TSEN15: variants seen among roughly 807,000 people sequenced by gnomAD.
The protein encoded by TSEN15 is tRNA splicing endonuclease subunit 15.
TSEN15 carries 10 observed loss-of-function variants against 20.5 expected under a neutral mutation model. The ratio of observed to expected loss-of-function variants is 0.49; its 90% CI spans 0.30 to 0.83. The LOEUF (loss-of-function observed/expected upper bound fraction) is 0.83, where lower values mean the gene tolerates loss of function less well. TSEN15 is among the 40% of genes least tolerant of loss of function. The pLI is 0.06. For synonymous variants in TSEN15, 72 were observed against 80.1 expected, an observed-to-expected ratio of 0.90 and a Z score of 0.54; for missense variants, 180 against 218.6, an observed-to-expected ratio of 0.82 and a Z score of 1.11.
chr1:184,087,017 G>A (rs1376023805), intron 3 of TSEN15, among the ~76,000 whole-genome samples: 1 of 152,106 alleles, frequency 6.6e-6, no homozygotes, highest in Non-Finnish European at 1.5e-5. Context: ...ACTTAAAAGG[G>A]ACTGTATAAA....
intron 3 of TSEN15, among the ~76,000 whole-genome samples, chr1:184,060,891 A>G (rs1183283448): frequency 6.6e-6 from 1 of 152,238 alleles, no homozygotes; most frequent in East Asian, 1.9e-4. Flanking sequence ...GTATAAATTA[A>G]TGAGTTATAA....
In TSEN15 at chr1:184,051,863, G is replaced by A. The variant is rs1223043410; in HGVS notation, c.108G>A (p.Glu36=). The A allele has an allele frequency of 1.9e-6, 3 of 1,553,656 alleles. No homozygotes were observed. In the Admixed American group the frequency reaches 5.7e-5, roughly 29 times the overall value. ...GTGGAGCTCCTTCGTGGGCCCCTGA[G>A]GACGCCTGGATGGGCACTCACCCTA... ...DGGGAPSWAP[E]DAWMGTHPKY... The change falls in exon 1 of 5, where the codon GAG becomes GAA. Residue 36 remains glutamate (E), a synonymous_variant. Transcript: ENST00000645668.
intron 1 of TSEN15, among the ~76,000 whole-genome samples, chr1:184,052,967 A>G (rs1448041668): frequency 3.9e-5 from 6 of 152,128 alleles, no homozygotes; most frequent in Non-Finnish European, 8.8e-5. Context: ...AATAGTCCAT[A>G]CTTACTTATA....
intron 3 of TSEN15, among the ~76,000 whole-genome samples, chr1:184,085,343 C>A (rs925548942): frequency 2.0e-5 from 3 of 152,142 alleles, no homozygotes; most frequent in Non-Finnish European, 4.4e-5. Flanking sequence ...TATAAGCATG[C>A]CTATATTACA....
intron 3 of TSEN15, chr1:184,071,949 C>T: frequency 2.2e-6 from 1 of 459,384 alleles, no homozygotes; most frequent in Non-Finnish European, 3.7e-6. Context: ...TCTTTCCTTT[C>T]CTTCTGTGAT....
At chr1:184,067,483 G>T (rs2102889887) in intron 3 of TSEN15, among the ~76,000 whole-genome samples, 1 of 152,278 alleles carries the variant, frequency 6.6e-6, no homozygotes, top group East Asian at 1.9e-4. Context: ...GGTACATGGT[G>T]CTAAGTAAGT....
At chr1:184,067,973 T>C (rs1218727152) in intron 3 of TSEN15, among the ~76,000 whole-genome samples, 5 of 138,104 alleles carry the variant, frequency 3.6e-5, no homozygotes, top group South Asian at 2.4e-4. Flanking sequence ...TATATATATG[T>C]ACATATGTAT....
At chr1:184,066,030 T>A (rs1409637463) in intron 3 of TSEN15, among the ~76,000 whole-genome samples, 1 of 152,196 alleles carries the variant, frequency 6.6e-6, no homozygotes, top group Non-Finnish European at 1.5e-5. Context: ...TTTTCCTGGA[T>A]CATGCTTTTG....
chr1:184,054,597 C>A, intron 2 of TSEN15, 131 bp from the exon 3 acceptor site: 1 of 1,210,986 alleles, frequency 8.3e-7, no homozygotes, highest in Non-Finnish European at 1.2e-6. Flanking sequence ...GTAACAGAAG[C>A]TACTAGAAAA....
downstream of TSEN15, among the ~76,000 whole-genome samples, chr1:184,077,395 A>T (rs1651084043): frequency 1.3e-5 from 2 of 152,274 alleles, no homozygotes; most frequent in African/African-American, 2.4e-5. Context: ...ATTACTGTTC[A>T]TTGACAATGC....
chr1:184,094,779 G>A (rs1651418354), intron 3 of TSEN15: 1 of 365,576 alleles, frequency 2.7e-6, no homozygotes, highest in Admixed American at 4.6e-5. Context: ...TGAAATTTGT[G>A]CTATAAGCCA....
In TSEN15 at chr1:184,057,289, A is replaced by T. The variant is rs1050183036; in HGVS notation, c.353+2426A>T. On this transcript the variant is annotated intron_variant, in intron 3 of 4. Transcript: ENST00000645668. The stretch of plus-strand genomic sequence containing the variant: ...TGGAGGAGAGTAATATTGAGCATGT[A>T]AAGGGGTGCTGTAAACCTCTGAGAG... 5.9e-5 allele frequency among the ~76,000 whole-genome samples: 9 copies of T among 152,144 alleles called. No individual in the cohort carries two copies. In the East Asian group the frequency reaches 1.7e-3, roughly 29 times the overall value.
intron 3 of TSEN15, chr1:184,070,825 G>A: frequency 2.9e-6 from 1 of 350,816 alleles, no homozygotes; most frequent in African/African-American, 2.1e-5. Flanking sequence ...CTAGCTAGTT[G>A]TAATGCAGTT....
At chr1:184,072,536 G>A in intron 4 of TSEN15, 1 of 548,014 alleles carries the variant, frequency 1.8e-6, no homozygotes, top group Non-Finnish European at 3.1e-6. Context: ...AGAATTTCAT[G>A]GTTTTCCAAA....
At chr1:184,062,645 G>A (rs1415043093) in intron 3 of TSEN15, among the ~76,000 whole-genome samples, 1 of 152,046 alleles carries the variant, frequency 6.6e-6, no homozygotes, top group African/African-American at 2.4e-5. Context: ...AGTACTACAG[G>A]TAGTTGCAAA....
intron 3 of TSEN15, among the ~76,000 whole-genome samples, chr1:184,084,554 A>G (rs948327161): frequency 1.3e-5 from 2 of 151,672 alleles, no homozygotes; most frequent in Non-Finnish European, 2.9e-5. Flanking sequence ...GAGCATTTTA[A>G]TTTTCTGTTA....
At chr1:184,072,090 T>G (rs1458300161) in intron 3 of TSEN15, 67 bp from the exon 4 acceptor site, 2 of 1,499,708 alleles carry the variant, frequency 1.3e-6, no homozygotes, top group Non-Finnish European at 1.8e-6. Flanking sequence ...TTCTAGTGCT[T>G]TCTTCTGTCA....
chr1:184,065,498 C>G (rs942068009), intron 3 of TSEN15, among the ~76,000 whole-genome samples: 1 of 152,122 alleles, frequency 6.6e-6, no homozygotes, highest in African/African-American at 2.4e-5. Context: ...TAAACATACC[C>G]TATGCTTCAT....
rs1331519708 is a variant in TSEN15, at chr1:184,073,599, CT to C, written c.*756del. The C allele has an allele frequency of 6.6e-6, 1 of 152,558 alleles. No individual in the cohort carries two copies. Among genetic ancestry groups the C allele is most frequent in the Non-Finnish European group, 1.5e-5 (1 of 68,014 alleles). The allele number at this position is 152,558 out of a possible 1,614,324, so 9.5% of individuals were successfully genotyped here. A position where few individuals can be genotyped will look rare whatever the true frequency, so the allele number is the denominator to read the frequency against. On this transcript the variant is annotated 3_prime_UTR_variant, in exon 5 of 5. Transcript: ENST00000645668. ...TCATTAATTAGACCCAGTTATTCCACTTTTGTTAATGTCTCTCAAATTGTAC... is the reference window on the plus strand; with the variant it reads ...TCATTAATTAGACCCAGTTATTCCACTTTGTTAATGTCTCTCAAATTGTAC...
Sources: allele counts gnomAD v4.1 joint callset (sites outside exome capture counted in the v4.1 genomes callset), GRCh38; gene constraint gnomAD v4.1.1; transcripts MANE v1.5; gene names NCBI Gene and HGNC (gene_info 2026-07-23, HGNC 2026-07-21).